Variants in RANGAP1 observed in about 807,000 individuals in gnomAD.
RANGAP1 encodes the protein ran GTPase-activating protein 1.
A neutral mutation model predicts 63.5 loss-of-function variants in RANGAP1; 38 were observed. That is an observed-to-expected ratio of 0.60 (90% CI 0.46 to 0.78). The LOEUF (loss-of-function observed/expected upper bound fraction) is 0.78. RANGAP1 is among the 30% of genes least tolerant of loss of function. RANGAP1 has a pLI of 0.00. For synonymous variants in RANGAP1, 329 were observed against 310.5 expected, an observed-to-expected ratio of 1.06 and a Z score of -0.63; for missense variants, 630 against 740.3, an observed-to-expected ratio of 0.85 and a Z score of 1.73.
chr22:41,287,372 T>G (rs972694187), upstream of RANGAP1, among the ~76,000 whole-genome samples: 7 of 25,286 alleles, frequency 2.8e-4, no homozygotes, highest in Non-Finnish European at 9.3e-4. Flanking sequence ...ACAAACAGCG[T>G]TTTTTTTTTG....
At chr22:41,301,962 T>C in the RANGAP1 span, among the ~76,000 whole-genome samples, 1 of 151,896 alleles carries the variant, frequency 6.6e-6, no homozygotes, top group South Asian at 2.1e-4. Flanking sequence ...AAATAAATCG[T>C]CTCTAAAACC....
intron 5 of RANGAP1, among the ~76,000 whole-genome samples, chr22:41,262,746 G>T (rs950920205): frequency 1.3e-5 from 2 of 152,180 alleles, no homozygotes; most frequent in Admixed American, 6.5e-5. Context: ...AGCAGCAGCC[G>T]ACTGCTAGGT....
chr22:41,265,751 G>T (rs2034429072), intron 4 of RANGAP1, among the ~76,000 whole-genome samples: 2 of 152,300 alleles, frequency 1.3e-5, no homozygotes, highest in Middle Eastern at 3.4e-3. Flanking sequence ...GTCAGAAATG[G>T]GGCTGAGCAG....
chr22:41,284,133 G>A (rs1001707881), intron 1 of RANGAP1, among the ~76,000 whole-genome samples: 1 of 152,146 alleles, frequency 6.6e-6, no homozygotes, highest in Non-Finnish European at 1.5e-5. Context: ...TGTAGTCCCA[G>A]CTACTCGGGA....
intron 1 of RANGAP1, chr22:41,281,728 T>TTCATAGGTAGCA: frequency 1.3e-6 from 1 of 797,960 alleles, no homozygotes; most frequent in Non-Finnish European, 1.5e-6. Context: ...GGGACAGGGC[T>TTCATAGGTAGCA]GCTACCTATG....
chr22:41,282,157 G>T (rs1313050553), intron 1 of RANGAP1: 4 of 152,110 alleles, frequency 2.6e-5, no homozygotes, highest in Non-Finnish European at 4.4e-5. Flanking sequence ...AATTAGCTGG[G>T]TGTGGTGGCA....
the RANGAP1 span, among the ~76,000 whole-genome samples, chr22:41,296,704 T>C: frequency 6.6e-6 from 1 of 151,584 alleles, no homozygotes; most frequent in East Asian, 1.9e-4. Flanking sequence ...AATAACTCAG[T>C]CCTTGCAGTG....
intron 3 of RANGAP1, among the ~76,000 whole-genome samples, chr22:41,271,885 CA>C (rs2034855307): frequency 6.6e-6 from 1 of 152,190 alleles, no homozygotes; most frequent in South Asian, 2.1e-4. Flanking sequence ...GGGCAGATCC[CA>C]CCCTGCCCCT....
chr22:41,285,725 G>A (rs948577929), intron 1 of RANGAP1: 9 of 973,378 alleles, frequency 9.2e-6, no homozygotes, highest in Admixed American at 6.2e-5. Flanking sequence ...GCTAATATGA[G>A]ACGCCACTGC....
At chr22:41,258,992 C>T (rs370077959) in intron 6 of RANGAP1, among the ~76,000 whole-genome samples, 27 of 152,236 alleles carry the variant, frequency 1.8e-4, no homozygotes, top group African/African-American at 6.0e-4. Context: ...CATATGAGTT[C>T]TAGGGCTCTT....
chr22:41,255,263 C>T (rs1181419930), intron 10 of RANGAP1, among the ~76,000 whole-genome samples: 1 of 152,148 alleles, frequency 6.6e-6, no homozygotes, highest in Non-Finnish European at 1.5e-5. Flanking sequence ...CAGCCCACCT[C>T]GGAGTCCCCA....
the RANGAP1 span, among the ~76,000 whole-genome samples, chr22:41,292,530 GTGGGTGGATCACGAGCTCAGGA>G: frequency 2.0e-5 from 3 of 152,050 alleles, no homozygotes; most frequent in Admixed American, 6.6e-5. Context: ...GGAGGCCGAG[GTGGGTGGATCACGAGCTCAGGA>G]TTTTGAGACC....
Position 41,281,151 on chromosome 22 carries a change from C to A in RANGAP1, c.-38-69G>T. On this transcript the variant is annotated intron_variant, in intron 1 of 15. Coordinates refer to ENST00000356244, the MANE Select transcript of RANGAP1 (RefSeq NM_002883.4). ...GCCCCTGGTTGGGGGCAGGGTAGGA[C>A]ATCAGCCATCTCAGGAGTCTGACCC... is the stretch of plus-strand genomic sequence containing the variant. 2.1e-6 allele frequency: 3 copies of A among 1,408,476 alleles called. No individual in the cohort carries two copies. In the South Asian group the frequency reaches 4.3e-5, roughly 20 times the overall value. The allele number at this position is 1,408,476 out of a possible 1,614,324, so 87.2% of individuals were successfully genotyped here.
At chr22:41,261,360 C>T (rs2145741552) in intron 6 of RANGAP1, 86 bp downstream of exon 6, 1 of 1,574,720 alleles carries the variant, frequency 6.4e-7, no homozygotes, top group Admixed American at 1.7e-5. Flanking sequence ...TGAGTGCCAG[C>T]CCTGGGATTA....
chr22:41,278,146 C>A (rs1454296330), intron 2 of RANGAP1, among the ~76,000 whole-genome samples: 1 of 151,604 alleles, frequency 6.6e-6, no homozygotes, highest in East Asian at 1.9e-4. Context: ...AAGCGATTCT[C>A]CTGCCTCAGC....
chr22:41,254,238 T>G lies in RANGAP1; in HGVS notation c.1260+70A>C, dbSNP rs998244978. 6 of 1,576,348 alleles carry G rather than the reference T, an allele frequency of 3.8e-6. No homozygotes were observed. The Admixed American group carries it at 6.7e-5, about 18-fold the overall frequency. Reference sequence around the variant, plus strand: ...CTTAAGGAGACACCCCCTACCCCATTGTGAAAGTGCCTCGGGATTTCACGT... The same window carrying G: ...CTTAAGGAGACACCCCCTACCCCATGGTGAAAGTGCCTCGGGATTTCACGT... On this transcript the variant is annotated intron_variant, in intron 11 of 15. Transcript: ENST00000356244.
At chr22:41,246,725 C>A in intron 15 of RANGAP1, 53 bp from the exon 16 acceptor site, 1 of 1,458,418 alleles carries the variant, frequency 6.9e-7, no homozygotes, top group South Asian at 1.2e-5. Context: ...GCCTGTTTTC[C>A]AAGTGTGGGG....
rs1476272030 is a variant in RANGAP1 at position 41,257,959 on chromosome 22, C to A, written c.763G>T (p.Ala255Ser). 6.2e-7 allele frequency: 1 copy of A among 1,606,440 alleles called. No homozygotes were observed. Residue 255 changes from alanine to serine, a missense_variant, in exon 7 of 16, where the codon GCC (alanine) becomes TCC (serine). Ala to Ser is a moderately conservative substitution (Grantham distance 99, BLOSUM62 1). Transcript: ENST00000356244. The surrounding 1 kb of genome is among the most constrained non-coding windows in gnomAD (Gnocchi z 4.0). ...CACACTCGCCTCACCTCGGCCATGG[C>A]CACGGCGCCCTTCTCAGTGAAGGTG... ...DNTFTEKGAVAMAETLKTLRQ... is the reference protein window; with the variant it reads ...DNTFTEKGAVSMAETLKTLRQ...
In RANGAP1 at chr22:41,258,075, G is replaced by A. The variant is rs1455209411; in HGVS notation, c.647C>T (p.Pro216Leu). The change falls in exon 7 of 16, where the codon CCA becomes CTA. Residue 216 changes from proline to leucine, a missense_variant. Around this residue, in one of 3 missense-constraint regions of RANGAP1, gnomAD observed 428 missense variants for 465.5 expected, o/e 0.92. Transcript: ENST00000356244. ...GCCAGGGTGGTTGATCCCATTCTGT[G>A]GCATGTGGACCTCCTCCAGGGTCCC... is the stretch of plus-strand genomic sequence containing the variant. Reference protein sequence around the residue: ...VIGTLEEVHMPQNGINHPGIT... With the variant: ...VIGTLEEVHMLQNGINHPGIT... 6.2e-7 allele frequency: 1 copy of A among 1,612,812 alleles called. No individual in the cohort carries two copies. Among genetic ancestry groups the A allele is most frequent in the Non-Finnish European group, 8.5e-7 (1 of 1,179,194 alleles).
Sources: allele counts gnomAD v4.1 joint callset (sites outside exome capture counted in the v4.1 genomes callset), GRCh38; gene constraint gnomAD v4.1.1; regional missense constraint gnomAD v4.1.1; non-coding constraint Gnocchi (gnomAD v3.1); transcripts MANE v1.5; gene names NCBI Gene and HGNC (gene_info 2026-07-23, HGNC 2026-07-21).